The following MFHAS1 variants were observed in gnomAD, a reference collection of about 807,000 sequenced individuals.
MFHAS1 encodes multifunctional ROCO family signaling regulator 1, also known as malignant fibrous histiocytoma-amplified sequence 1.
In MFHAS1, 50 loss-of-function variants were observed where a neutral mutation model predicts 70.4. That is an observed-to-expected ratio of 0.71 (90% CI 0.57 to 0.90). The LOEUF (loss-of-function observed/expected upper bound fraction) is 0.90, where lower values mean the gene tolerates loss of function less well. MFHAS1 is among the 40% of genes least tolerant of loss of function. MFHAS1 has a pLI of 0.00. For missense variants in MFHAS1, 1,795 were observed against 1,347.6 expected, an observed-to-expected ratio of 1.33 and a Z score of -5.20; for synonymous variants, 952 against 620.0, an observed-to-expected ratio of 1.54 and a Z score of -7.96.
In MFHAS1 at chr8:8,892,130, G is replaced by T; in HGVS notation, c.929C>A (p.Ser310Ter). The T allele has an allele frequency of 6.2e-7, 1 of 1,612,370 alleles. No homozygotes were observed. ...CAGGCCCGAGATAAGGGATGGCACC[G>T]AGGTGAGCTGGTTGCGACTAAGGTA... ...ELYLSRNQLTSVPSLISGLGR... is the reference protein window; with the variant it reads ...ELYLSRNQLT The change falls in exon 1 of 3, where the codon TCG becomes TAG. Residue 310 changes from serine (S) to a stop codon, truncating the protein, a stop_gained. Transcript: ENST00000276282. LOFTEE classifies it high-confidence loss of function. This position sits in a 1 kb window ranked among gnomAD's most constrained non-coding sequence, Gnocchi z 4.7.
chr8:8,814,080 G>A (rs924441253), intron 1 of MFHAS1, among the ~76,000 whole-genome samples: 1 of 151,978 alleles, frequency 6.6e-6, no homozygotes, highest in Non-Finnish European at 1.5e-5. Context: ...TGGGATTACA[G>A]GTGTGTGCCA....
At chr8:8,847,762 T>G (rs891030395) in intron 1 of MFHAS1, among the ~76,000 whole-genome samples, 1 of 152,206 alleles carries the variant, frequency 6.6e-6, no homozygotes, top group Non-Finnish European at 1.5e-5. Context: ...TCAACAGTGA[T>G]AGGAGAGTTT....
chr8:8,862,587 C>A (rs962819852), intron 1 of MFHAS1, among the ~76,000 whole-genome samples: 1 of 152,016 alleles, frequency 6.6e-6, no homozygotes, highest in African/African-American at 2.4e-5. Flanking sequence ...AGGTGATGAA[C>A]AGGCAGAGCT....
chr8:8,876,955 A>G (rs1170491707), intron 1 of MFHAS1, among the ~76,000 whole-genome samples: 2 of 151,630 alleles, frequency 1.3e-5, no homozygotes, highest in African/African-American at 4.8e-5. Flanking sequence ...AAAAAATGAA[A>G]CCACTGTCAT....
intron 2 of MFHAS1, 24 bp downstream of exon 2, chr8:8,797,341 G>A: frequency 6.2e-7 from 1 of 1,611,906 alleles, no homozygotes; most frequent in Admixed American, 1.7e-5. Flanking sequence ...AGGTCCCGGG[G>A]CCAGAGGGAC....
chr8:8,858,759 A>C (rs1808548075), intron 1 of MFHAS1, among the ~76,000 whole-genome samples: 1 of 152,150 alleles, frequency 6.6e-6, no homozygotes, highest in Non-Finnish European at 1.5e-5. Flanking sequence ...CCGTATGCAC[A>C]GGTGGCGTCG....
At chr8:8,843,950 T>C (rs1420516442) in intron 1 of MFHAS1, among the ~76,000 whole-genome samples, 1 of 152,048 alleles carries the variant, frequency 6.6e-6, no homozygotes, top group African/African-American at 2.4e-5. Context: ...GAATCTTATT[T>C]TATAAGGGAT....
chr8:8,848,838 C>T (rs958530050), intron 1 of MFHAS1, among the ~76,000 whole-genome samples: 2 of 152,100 alleles, frequency 1.3e-5, no homozygotes, highest in East Asian at 1.9e-4. Context: ...TCAAACAGTG[C>T]GAAGTCGGTT....
intron 1 of MFHAS1, among the ~76,000 whole-genome samples, chr8:8,876,681 A>G (rs1585067031): frequency 1.3e-5 from 2 of 151,954 alleles, no homozygotes; most frequent in African/African-American, 4.8e-5. Flanking sequence ...CTGGCCTATA[A>G]GTTTTTATAA....
chr8:8,878,111 C>G (rs955028869), intron 1 of MFHAS1, among the ~76,000 whole-genome samples: 2 of 152,174 alleles, frequency 1.3e-5, no homozygotes, highest in Admixed American at 1.3e-4. Context: ...CTCTCCCCAC[C>G]TTACCTCCAC....
intron 1 of MFHAS1, among the ~76,000 whole-genome samples, chr8:8,822,946 C>T (rs766811896): frequency 2.6e-5 from 4 of 152,096 alleles, no homozygotes; most frequent in Non-Finnish European, 5.9e-5. Flanking sequence ...GAGGTACCGA[C>T]AGGCTGGTGG....
intron 1 of MFHAS1, among the ~76,000 whole-genome samples, chr8:8,800,724 T>C (rs1806056684): frequency 6.6e-6 from 1 of 152,166 alleles, no homozygotes; most frequent in South Asian, 2.1e-4. Flanking sequence ...TTCTTTGGTT[T>C]CCCCTGAAAA....
At chr8:8,829,926 C>T (rs1015614934) in intron 1 of MFHAS1, among the ~76,000 whole-genome samples, 2 of 152,206 alleles carry the variant, frequency 1.3e-5, no homozygotes, top group African/African-American at 4.8e-5. Flanking sequence ...GAAGACCATA[C>T]AGAAGATTCT....
chr8:8,814,762 G>A (rs1001352990), intron 1 of MFHAS1, among the ~76,000 whole-genome samples: 8 of 151,834 alleles, frequency 5.3e-5, no homozygotes, highest in African/African-American at 1.7e-4. Context: ...TGGTAAATAG[G>A]AGCATGAAAA....
chr8:8,846,829 C>G (rs564398961), intron 1 of MFHAS1, among the ~76,000 whole-genome samples: 2 of 152,188 alleles, frequency 1.3e-5, no homozygotes, highest in African/African-American at 4.8e-5. Flanking sequence ...AGCGACCCAC[C>G]CCGCCCATCA....
rs1009810661 is a variant in MFHAS1 at position 8,882,573 on chromosome 8, T to A, written c.2998+7488A>T. Among the ~76,000 whole-genome samples the A allele has an allele frequency of 4.6e-5, 7 of 151,700 alleles. No individual in the cohort carries two copies. The East Asian group carries it at 1.2e-3, about 25-fold the overall frequency. The stretch of plus-strand genomic sequence containing the variant: ...GTTGCAGTGAGCTGAGATCGCGCCA[T>A]TGCACTCCACCCTGGGCGACAGAGT... On this transcript the variant is annotated intron_variant, in intron 1 of 2. Transcript: ENST00000276282.
Position 8,832,089 on chromosome 8 carries a change from C to CACACAA in MFHAS1, c.2999-34599_2999-34598insTTGTGT, listed in dbSNP as rs1554481392. Among the ~76,000 whole-genome samples the CACACAA allele has an allele frequency of 2.5e-3, 374 of 151,226 alleles. 1 individual carries two copies. Among genetic ancestry groups the CACACAA allele is most frequent in the African/African-American group, 9.0e-3 (370 of 41,106 alleles). ...ACACACACACACACACACACACACA[C>CACACAA]GCACCAAAGTAACTTGAAATAGATC... is the stretch of plus-strand genomic sequence containing the variant. On this transcript the variant is annotated intron_variant, in intron 1 of 2. Coordinates refer to ENST00000276282, the MANE Select transcript of MFHAS1 (RefSeq NM_004225.3).
intron 1 of MFHAS1, among the ~76,000 whole-genome samples, chr8:8,850,087 G>C (rs1219920546): frequency 6.6e-6 from 1 of 152,192 alleles, no homozygotes; most frequent in Non-Finnish European, 1.5e-5. Context: ...TATGATTCTT[G>C]ACTAGGTTTG....
chr8:8,836,269 C>A (rs928396355), intron 1 of MFHAS1, among the ~76,000 whole-genome samples: 6 of 152,152 alleles, frequency 3.9e-5, no homozygotes, highest in South Asian at 2.1e-4. Flanking sequence ...GTTTGAGTAG[C>A]CTCAGGTTCT....
Sources: gnomAD v4.1 joint callset for allele counts (sites outside exome capture counted in the v4.1 genomes callset) on GRCh38, gnomAD v4.1.1 for gene constraint, Gnocchi (gnomAD v3.1) non-coding constraint, MANE v1.5 for transcripts, NCBI Gene and HGNC (gene_info 2026-07-23, HGNC 2026-07-21) for gene names.